USP24: variants seen among roughly 807,000 people sequenced by gnomAD.
USP24 encodes the protein ubiquitin carboxyl-terminal hydrolase 24.
A neutral mutation model predicts 361.6 loss-of-function variants in USP24; 97 were observed. The observed-to-expected ratio is 0.27, with a 90% CI of 0.23 to 0.32. The LOEUF (loss-of-function observed/expected upper bound fraction) is 0.32, where lower values mean the gene tolerates loss of function less well. USP24 is among the 10% of genes least tolerant of loss of function. The pLI is 1.00. For synonymous variants in USP24, 1,098 were observed against 1,124.6 expected (o/e 0.98, Z 0.47); for missense variants, 2,353 against 3,165.6 (o/e 0.74, Z 6.16).
At chr1:55,071,758 G>C in intron 67 of USP24, 56 bp downstream of exon 67, 1 of 1,512,418 alleles carries the variant, frequency 6.6e-7, no homozygotes, top group East Asian at 2.3e-5. Context: ...AATTCTTTTT[G>C]GAAAGCTTAA....
chr1:55,154,319 A>C (rs1261361457), intron 14 of USP24, 39 bp from the exon 15 acceptor site: 1 of 1,578,868 alleles, frequency 6.3e-7, no homozygotes, highest in South Asian at 1.2e-5. Context: ...GCCAATATGC[A>C]AATAGCTGCT....
intron 16 of USP24, among the ~76,000 whole-genome samples, chr1:55,152,535 A>G (rs996317751): frequency 9.9e-5 from 15 of 152,274 alleles, no homozygotes; most frequent in East Asian, 1.9e-4. Flanking sequence ...TTCTATGGAC[A>G]CCCTTTTCCT....
intron 50 of USP24, among the ~76,000 whole-genome samples, chr1:55,096,000 G>T (rs1345005310): frequency 6.6e-6 from 1 of 152,154 alleles, no homozygotes; most frequent in South Asian, 2.1e-4. Context: ...GTTCTGATTG[G>T]GCTGTACTTC....
In USP24 at chr1:55,147,815, A is replaced by G; in HGVS notation, c.1969-17T>C. ...AATAATGCTCTTGGCGAAAATAACAAAAAGAAAAGTGGTAATGAGAATTTG... is the reference window on the plus strand; with the variant it reads ...AATAATGCTCTTGGCGAAAATAACAGAAAGAAAAGTGGTAATGAGAATTTG... On this transcript the variant is annotated splice_polypyrimidine_tract_variant and intron_variant, in intron 17 of 67. Coordinates refer to ENST00000294383, the MANE Select transcript of USP24 (RefSeq NM_015306.3). 6.2e-7 allele frequency: 1 copy of G among 1,609,002 alleles called. No individual in the cohort carries two copies. Among genetic ancestry groups the G allele is most frequent in the Non-Finnish European group, 8.5e-7 (1 of 1,177,274 alleles).
Position 55,172,497 on chromosome 1 carries a change from G to A in USP24, c.582C>T (p.His194=), listed in dbSNP as rs772754068. 6.2e-7 allele frequency: 1 copy of A among 1,613,038 alleles called. No individual in the cohort carries two copies. The highest frequency in any genetic ancestry group is 8.5e-7 in the Non-Finnish European group (1 of 1,179,446). ...CTTCATGAATTTCAGTACCCCACTT[G>A]TGAACAGCACTTGATGTCAGGAGCT... ...FKKLLTSSAV[H]KWGTEIHEGI... Residue 194 remains histidine (H), a synonymous_variant, in exon 4 of 68, where the codon CAC becomes CAT. Coordinates refer to ENST00000294383, the MANE Select transcript of USP24 (RefSeq NM_015306.3).
In USP24 at chr1:55,106,194, T is replaced by C; in HGVS notation, c.4832A>G (p.His1611Arg). 1 of 1,614,028 alleles carries C rather than the reference T, an allele frequency of 6.2e-7. No homozygotes were observed. The highest frequency in any genetic ancestry group is 1.1e-5 in the South Asian group (1 of 91,078). Residue 1611 changes from histidine (H) to arginine (R), a missense_variant, in exon 41 of 68, where the codon CAT becomes CGT. By Grantham distance (29) the His-to-Arg change is conservative. Around this residue, in one of 8 missense-constraint regions of USP24, gnomAD observed 949 missense variants for 1,280.5 expected, o/e 0.74. Coordinates refer to ENST00000294383, the MANE Select transcript of USP24 (RefSeq NM_015306.3). ...FRASRIILNS[H>R]SPAGSAAISQ... is the part of the protein sequence containing the mutation. ...GATGGCGGCACTGCCAGCTGGAGAA[T>C]GACTATTTAAAATAATTCTAGAAGC...
At chr1:55,194,672 T>C (rs1179217146) in intron 1 of USP24, among the ~76,000 whole-genome samples, 5 of 148,152 alleles carry the variant, frequency 3.4e-5, no homozygotes, top group Admixed American at 6.7e-5. Context: ...TCTTTGTCCC[T>C]CTCTCTCTCT....
At chr1:55,187,226 G>GT (rs1644157976) in intron 1 of USP24, among the ~76,000 whole-genome samples, 2 of 144,174 alleles carry the variant, frequency 1.4e-5, no homozygotes, top group Admixed American at 1.3e-4. Flanking sequence ...TTCACAAAAT[G>GT]TAACACCATT....
At chr1:55,080,663 T>C (rs140804950) in intron 59 of USP24, among the ~76,000 whole-genome samples, 5 of 152,136 alleles carry the variant, frequency 3.3e-5, no homozygotes, top group African/African-American at 1.2e-4. Flanking sequence ...ATTACTATGG[T>C]TGTTGTCACT....
chr1:55,171,393 C>T (rs1200880465), intron 5 of USP24, among the ~76,000 whole-genome samples, 163 bp downstream of exon 5: 1 of 152,018 alleles, frequency 6.6e-6, no homozygotes, highest in Non-Finnish European at 1.5e-5. Context: ...AAAAATTATG[C>T]ACTGTCTGAA....
chr1:55,157,725 T>G (rs1472260509), intron 10 of USP24, among the ~76,000 whole-genome samples: 1 of 151,344 alleles, frequency 6.6e-6, no homozygotes, highest in Admixed American at 6.6e-5. Flanking sequence ...TCCCAGTTAC[T>G]CAGGAGGCTA....
chr1:55,108,397 C>T (rs540691375), intron 39 of USP24, among the ~76,000 whole-genome samples: 3 of 152,244 alleles, frequency 2.0e-5, no homozygotes, highest in African/African-American at 4.8e-5. Flanking sequence ...GGTCTCCACA[C>T]GGTGAAGTGA....
intron 1 of USP24, among the ~76,000 whole-genome samples, chr1:55,187,119 C>A (rs1262187182): frequency 2.0e-5 from 3 of 151,762 alleles, no homozygotes; most frequent in Non-Finnish European, 2.9e-5. Flanking sequence ...TACAAAAAAA[C>A]AAACAAACAA....
intron 12 of USP24, among the ~76,000 whole-genome samples, chr1:55,155,029 T>C (rs979966617): frequency 1.3e-5 from 2 of 151,320 alleles, no homozygotes; most frequent in Non-Finnish European, 2.9e-5. Flanking sequence ...AAAAACCCCA[T>C]GAGAATCAAG....
chr1:55,195,206 T>C (rs1186875736), intron 1 of USP24, among the ~76,000 whole-genome samples: 1 of 152,184 alleles, frequency 6.6e-6, no homozygotes, highest in East Asian at 1.9e-4. Flanking sequence ...CATCACAATA[T>C]ATGGTTTGCC....
chr1:55,197,277 G>A (rs1488051275), intron 1 of USP24, among the ~76,000 whole-genome samples: 1 of 152,094 alleles, frequency 6.6e-6, no homozygotes, highest in Non-Finnish European at 1.5e-5. Flanking sequence ...TCTCTCCTGT[G>A]CTGCTTTTTT....
intron 17 of USP24, among the ~76,000 whole-genome samples, chr1:55,148,103 A>G (rs553670081): frequency 1.5e-3 from 233 of 152,254 alleles, no homozygotes; most frequent in Middle Eastern, 3.4e-3. Context: ...CCAAGTCTAT[A>G]CATTGAGGAA....
chr1:55,174,135 G>A (rs1010880842), intron 3 of USP24, among the ~76,000 whole-genome samples: 1 of 152,182 alleles, frequency 6.6e-6, no homozygotes, highest in African/African-American at 2.4e-5. Flanking sequence ...GGTGAAGAAG[G>A]TGGAAATGAC....
At chr1:55,133,148 T>TA (rs1557610840) in intron 30 of USP24, among the ~76,000 whole-genome samples, 1 of 152,218 alleles carries the variant, frequency 6.6e-6, no homozygotes, top group Non-Finnish European at 1.5e-5. Flanking sequence ...TGAGCTGATC[T>TA]AAATTTCTAC....
Sources: allele counts gnomAD v4.1 joint callset (sites outside exome capture counted in the v4.1 genomes callset), GRCh38; gene constraint gnomAD v4.1.1; regional missense constraint gnomAD v4.1.1; transcripts MANE v1.5; gene names NCBI Gene and HGNC (gene_info 2026-07-23, HGNC 2026-07-21).